The following PAM variants were observed in gnomAD, a reference collection of about 807,000 sequenced individuals.
PAM encodes the protein peptidylglycine alpha-amidating monooxygenase, also known as peptidyl-glycine alpha-amidating monooxygenase.
Under a neutral mutation model 122.1 loss-of-function variants are expected in PAM, and 72 were observed. The ratio of observed to expected loss-of-function variants is 0.59; its 90% CI spans 0.49 to 0.72. PAM has a LOEUF of 0.72. Ranked by LOEUF, PAM falls within the 30% of genes least tolerant of loss-of-function variation. PAM has a pLI of 0.00. For synonymous variants in PAM, 389 were observed against 404.4 expected, an observed-to-expected ratio of 0.96 and a Z score of 0.46; for missense variants, 1,106 against 1,183.7, an observed-to-expected ratio of 0.93 and a Z score of 0.96.
chr5:102,884,255 GA>G (rs1383380070), intron 3 of PAM, among the ~76,000 whole-genome samples: 2 of 151,568 alleles, frequency 1.3e-5, no homozygotes, highest in Admixed American at 6.6e-5. Context: ...AATTAATAAA[GA>G]AAAAACAATA....
intron 23 of PAM, among the ~76,000 whole-genome samples, chr5:103,021,190 A>AT (rs1783443263): frequency 6.6e-6 from 1 of 152,178 alleles, no homozygotes; most frequent in Non-Finnish European, 1.5e-5. Context: ...AAGATAGTAC[A>AT]TTTTAGAGTC....
At chr5:102,969,758 G>A (rs1765257637) in intron 14 of PAM, among the ~76,000 whole-genome samples, 1 of 152,158 alleles carries the variant, frequency 6.6e-6, no homozygotes, top group Admixed American at 6.5e-5. Context: ...ACATCCAAGT[G>A]GGATTTTCCA....
intron 15 of PAM, among the ~76,000 whole-genome samples, chr5:102,983,596 G>A (rs528273479): frequency 6.6e-6 from 1 of 151,952 alleles, no homozygotes; most frequent in Non-Finnish European, 1.5e-5. Flanking sequence ...TGTAGAGATG[G>A]GCAAAGGCAT....
chr5:102,867,218 G>C (rs1282028536), intron 2 of PAM, 55 bp from the exon 3 acceptor site: 2 of 1,256,838 alleles, frequency 1.6e-6, no homozygotes, highest in Admixed American at 3.6e-5. Flanking sequence ...CCCTTCTCAT[G>C]TTGAGTTTAG....
At chr5:102,958,165 T>C (rs1464705996) in intron 12 of PAM, among the ~76,000 whole-genome samples, 1 of 152,156 alleles carries the variant, frequency 6.6e-6, no homozygotes, top group African/African-American at 2.4e-5. Flanking sequence ...AACATGGGTA[T>C]TGGCATTCCC....
At chr5:102,936,239 G>C (rs1353624396) in intron 7 of PAM, among the ~76,000 whole-genome samples, 1 of 152,018 alleles carries the variant, frequency 6.6e-6, no homozygotes, top group Non-Finnish European at 1.5e-5. Flanking sequence ...ATCAGCTATG[G>C]TGGAAAAATT....
chr5:102,843,680 A>C (rs1779248224), intron 1 of PAM, among the ~76,000 whole-genome samples: 3 of 152,194 alleles, frequency 2.0e-5, no homozygotes, highest in Admixed American at 1.3e-4. Flanking sequence ...AATCAATCCA[A>C]ATAGAAAATG....
intron 23 of PAM, among the ~76,000 whole-genome samples, chr5:103,022,832 T>G (rs1179480075): frequency 1.3e-5 from 2 of 152,158 alleles, no homozygotes; most frequent in Non-Finnish European, 2.9e-5. Context: ...TTCTTCAGGC[T>G]TTCAGTGGAA....
intron 5 of PAM, among the ~76,000 whole-genome samples, chr5:102,918,368 T>C (rs1366881474): frequency 6.6e-6 from 1 of 152,146 alleles, no homozygotes; most frequent in Non-Finnish European, 1.5e-5. Context: ...CTAAGTTCCC[T>C]AGATTTATTA....
At position 102,809,352 on chromosome 5, in the gene PAM, CAAAAAAAAA is replaced by C. The variant is rs11302898; in HGVS notation, c.-374+54015_-374+54023del. Reference sequence around the variant, plus strand: ...TAAAGCAAGCAAGACCTGTCTCTACCAAAAAAAAAAAAAAAAAAAGAAAACAAAAAACAA... The same window carrying C: ...TAAAGCAAGCAAGACCTGTCTCTACCAAAAAAAAAAGAAAACAAAAAACAA... On this transcript the variant is annotated intron_variant, in intron 1 of 25. Coordinates refer to ENST00000438793, the MANE Select transcript of PAM (RefSeq NM_001177306.2). 1.2e-3 allele frequency among the ~76,000 whole-genome samples: 150 copies of C among 126,236 alleles called. 1 individual carries two copies. The highest frequency in any genetic ancestry group is 4.2e-3 in the African/African-American group (140 of 33,368). 82.8% of individuals were successfully genotyped at this position (126,236 alleles called of 152,430 possible). A position where few individuals can be genotyped will look rare whatever the true frequency, so the allele number is the denominator to read the frequency against.
chr5:102,827,669 T>TAGCATTAAAAACCACTC (rs1580633505), intron 1 of PAM, among the ~76,000 whole-genome samples: 2 of 52,954 alleles, frequency 3.8e-5, no homozygotes, highest in East Asian at 6.0e-4. Context: ...ACTATGATTT[T>TAGCATTAAAAACCACTC]TTTTTTTTTT....
intron 1 of PAM, among the ~76,000 whole-genome samples, chr5:102,860,662 G>T (rs1264131182): frequency 6.6e-6 from 1 of 151,734 alleles, no homozygotes; most frequent in African/African-American, 2.4e-5. Context: ...CTCCAGCCTG[G>T]GCAACAGAGC....
intron 3 of PAM, among the ~76,000 whole-genome samples, chr5:102,891,167 T>TA (rs1794680863): frequency 6.6e-6 from 1 of 151,876 alleles, no homozygotes; most frequent in Non-Finnish European, 1.5e-5. Context: ...CTAATTCAAC[T>TA]AACATTCACT....
intron 11 of PAM, 31 bp from the exon 12 acceptor site, chr5:102,950,686 T>G: frequency 7.9e-7 from 1 of 1,261,312 alleles, no homozygotes; most frequent in African/African-American, 1.5e-5. Flanking sequence ...TTGGTAATAT[T>G]AATGATTCAT....
intron 7 of PAM, among the ~76,000 whole-genome samples, chr5:102,937,763 CAT>C (rs1036768697): frequency 3.3e-5 from 5 of 152,080 alleles, no homozygotes; most frequent in African/African-American, 1.2e-4. Flanking sequence ...CAATTTAATT[CAT>C]ATTGGTTTTC....
chr5:102,995,509 T>G (rs547309434), intron 16 of PAM, among the ~76,000 whole-genome samples: 1 of 152,268 alleles, frequency 6.6e-6, no homozygotes, highest in South Asian at 2.1e-4. Context: ...GGTTACCATT[T>G]CCTGTTTTTG....
chr5:102,903,672 A>G (rs904251209), intron 4 of PAM, among the ~76,000 whole-genome samples: 44 of 151,508 alleles, frequency 2.9e-4, no homozygotes, highest in African/African-American at 9.4e-4. Context: ...ACCTAAGCCA[A>G]TTTTCAGAAG....
intron 1 of PAM, among the ~76,000 whole-genome samples, chr5:102,808,812 C>T (rs775690419): frequency 2.0e-5 from 3 of 152,154 alleles, no homozygotes; most frequent in Non-Finnish European, 4.4e-5. Flanking sequence ...TTATGCCACA[C>T]TTTTATAGCT....
intron 1 of PAM, chr5:102,865,275 A>G (rs1161915928): frequency 2.0e-5 from 3 of 152,236 alleles, no homozygotes; most frequent in African/African-American, 7.2e-5. Flanking sequence ...AGCTCTTGGT[A>G]GGAGATATCA....
Sources: allele counts gnomAD v4.1 joint callset (sites outside exome capture counted in the v4.1 genomes callset), GRCh38; gene constraint gnomAD v4.1.1; transcripts MANE v1.5; gene names NCBI Gene and HGNC (gene_info 2026-07-23, HGNC 2026-07-21).